Variants in GPC5 observed in about 807,000 individuals in gnomAD.
GPC5 encodes the protein glypican 5.
GPC5 carries 47 observed loss-of-function variants against 53.9 expected under a neutral mutation model. The ratio of observed to expected loss-of-function variants is 0.87; its 90% CI spans 0.69 to 1.11. GPC5 has a LOEUF of 1.11. Among genes scored for constraint, GPC5 ranks in the 50% most tolerant of loss-of-function variants. The pLI, the probability that GPC5 is intolerant of heterozygous loss-of-function variation, is 0.00. For synonymous variants in GPC5, 286 were observed against 263.3 expected, an observed-to-expected ratio of 1.09 and a Z score of -0.84; for missense variants, 748 against 713.1, an observed-to-expected ratio of 1.05 and a Z score of -0.56.
At chr13:91,986,105 G>A (rs942845628) in intron 6 of GPC5, among the ~76,000 whole-genome samples, 9 of 117,572 alleles carry the variant, frequency 7.7e-5, no homozygotes, top group South Asian at 2.7e-4. Flanking sequence ...TTGCTGTGTC[G>A]CCCAGGCTGG....
intron 7 of GPC5, among the ~76,000 whole-genome samples, chr13:92,273,366 C>T (rs1358301571): frequency 6.6e-6 from 1 of 152,070 alleles, no homozygotes; most frequent in Admixed American, 6.6e-5. Context: ...TCTCCATACT[C>T]ATTAGCTATG....
intron 7 of GPC5, among the ~76,000 whole-genome samples, chr13:92,319,314 C>T (rs188530316): frequency 3.6e-4 from 54 of 150,454 alleles, no homozygotes; most frequent in Non-Finnish European, 6.9e-4. Flanking sequence ...TAAGGTAGAA[C>T]ACTCCTATAA....
At chr13:92,219,486 A>G (rs1427865796) in intron 7 of GPC5, among the ~76,000 whole-genome samples, 2 of 152,126 alleles carry the variant, frequency 1.3e-5, no homozygotes, top group Non-Finnish European at 2.9e-5. Context: ...GAACGAAATC[A>G]AAAGGAAAAC....
In GPC5 at chr13:91,669,083, G is replaced by A. The variant is rs113482258; in HGVS notation, c.326-24104G>A. Among the ~76,000 whole-genome samples, 307 of 152,246 alleles carry A rather than the reference G, an allele frequency of 2.0e-3. 2 individuals are homozygous for A. The highest frequency in any genetic ancestry group is 6.8e-3 in the African/African-American group (281 of 41,554). On this transcript the variant is annotated intron_variant, in intron 2 of 7. Coordinates refer to ENST00000377067, the MANE Select transcript of GPC5 (RefSeq NM_004466.6). Reference sequence around the variant, plus strand: ...TAATTACAAATGCATTAGGAAACTCGACAGCTGTGCATGGAATGCAGACCA... The same window carrying A: ...TAATTACAAATGCATTAGGAAACTCAACAGCTGTGCATGGAATGCAGACCA...
chr13:92,270,348 G>A (rs939534766), intron 7 of GPC5, among the ~76,000 whole-genome samples: 1 of 152,132 alleles, frequency 6.6e-6, no homozygotes, highest in Non-Finnish European at 1.5e-5. Context: ...CCTCCATGCC[G>A]CTCTTGTGAC....
intron 7 of GPC5, among the ~76,000 whole-genome samples, chr13:92,510,257 C>T (rs1256126531): frequency 6.6e-6 from 1 of 151,968 alleles, no homozygotes; most frequent in Non-Finnish European, 1.5e-5. Context: ...TTAGAGATAA[C>T]TCAGCTTCAT....
chr13:92,846,185 C>G (rs560197683), intron 7 of GPC5, among the ~76,000 whole-genome samples: 18 of 152,036 alleles, frequency 1.2e-4, no homozygotes, highest in Non-Finnish European at 2.4e-4. Context: ...AAGTGCTGAG[C>G]GAAGGAGGGA....
At chr13:91,453,531 T>C (rs1881332620) in intron 2 of GPC5, among the ~76,000 whole-genome samples, 1 of 152,062 alleles carries the variant, frequency 6.6e-6, no homozygotes, top group Non-Finnish European at 1.5e-5. Flanking sequence ...AAATGGACTA[T>C]ATTTAAAATT....
At chr13:91,472,224 A>C (rs1882676124) in intron 2 of GPC5, among the ~76,000 whole-genome samples, 1 of 152,122 alleles carries the variant, frequency 6.6e-6, no homozygotes, top group African/African-American at 2.4e-5. Context: ...TGTTCAGTTA[A>C]TGTGATTTTT....
At chr13:91,979,542 C>A (rs1372220288) in intron 6 of GPC5, among the ~76,000 whole-genome samples, 1 of 152,154 alleles carries the variant, frequency 6.6e-6, no homozygotes, top group African/African-American at 2.4e-5. Context: ...TGGAGAAAGA[C>A]TTATATCTGC....
chr13:91,642,909 C>A (rs1267406824), intron 2 of GPC5, among the ~76,000 whole-genome samples: 1 of 151,962 alleles, frequency 6.6e-6, no homozygotes, highest in South Asian at 2.1e-4. Context: ...ATTCTCAATT[C>A]TTAATTTTCC....
chr13:92,493,570 T>C (rs1879847916), intron 7 of GPC5, among the ~76,000 whole-genome samples: 1 of 152,152 alleles, frequency 6.6e-6, no homozygotes, highest in Admixed American at 6.5e-5. Flanking sequence ...TATGAATATA[T>C]AGAAAGAGGG....
Position 91,693,198 on chromosome 13 carries a change from ACT to A in GPC5, c.341_342del (p.Leu114HisfsTer33). 6.2e-7 allele frequency: 1 copy of A among 1,611,978 alleles called. No homozygotes were observed. On this transcript the variant is annotated frameshift_variant, in exon 3 of 8. Coordinates refer to ENST00000377067, the MANE Select transcript of GPC5 (RefSeq NM_004466.6). LOFTEE classifies it high-confidence loss of function. ...TGCTTGTGTTACAGAAACCCTTGAA[ACT>A]CTCATCAAACAAGCAGAAAATTACA... ...NAAAFQETLE[T>X]LIKQAENYTS... is the part of the protein sequence containing the mutation.
chr13:92,090,318 T>G (rs2041369854), intron 6 of GPC5, among the ~76,000 whole-genome samples: 1 of 152,110 alleles, frequency 6.6e-6, no homozygotes, highest in East Asian at 1.9e-4. Flanking sequence ...ATTCAACTGT[T>G]GAAATGTAAC....
intron 7 of GPC5, among the ~76,000 whole-genome samples, chr13:92,865,674 A>G (rs964625319): frequency 6.6e-6 from 1 of 152,168 alleles, no homozygotes; most frequent in Non-Finnish European, 1.5e-5. Flanking sequence ...AAAAATGCTA[A>G]GGATGTGAGG....
At chr13:92,244,787 C>T (rs1322629602) in intron 7 of GPC5, among the ~76,000 whole-genome samples, 1 of 152,030 alleles carries the variant, frequency 6.6e-6, no homozygotes, top group East Asian at 1.9e-4. Flanking sequence ...TGCCTGTAAT[C>T]CCAGCAGTTT....
At chr13:91,838,640 A>T (rs995071116) in intron 5 of GPC5, among the ~76,000 whole-genome samples, 1 of 152,044 alleles carries the variant, frequency 6.6e-6, no homozygotes, top group African/African-American at 2.4e-5. Context: ...GGAAATGAAT[A>T]TGGACAACTT....
chr13:91,432,886 T>C (rs1320232599), intron 1 of GPC5, among the ~76,000 whole-genome samples: 2 of 152,204 alleles, frequency 1.3e-5, no homozygotes, highest in Admixed American at 1.3e-4. Context: ...ATATTTAAAA[T>C]GATCTCATTC....
At chr13:92,153,288 C>G (rs2041920299) in intron 7 of GPC5, among the ~76,000 whole-genome samples, 1 of 152,090 alleles carries the variant, frequency 6.6e-6, no homozygotes, top group South Asian at 2.1e-4. Context: ...GCTACCACAC[C>G]CAGCTAATTT....
Sources: allele counts gnomAD v4.1 joint callset (sites outside exome capture counted in the v4.1 genomes callset), GRCh38; gene constraint gnomAD v4.1.1; transcripts MANE v1.5; gene names NCBI Gene and HGNC (gene_info 2026-07-23, HGNC 2026-07-21).